The following GPT2 variants were observed in gnomAD, a reference collection of about 807,000 sequenced individuals.
GPT2 encodes the protein alanine aminotransferase 2.
A neutral mutation model predicts 56.9 loss-of-function variants in GPT2; 30 were observed. The observed-to-expected ratio is 0.53, with a 90% CI of 0.39 to 0.72. GPT2 has a LOEUF of 0.72. Ranked by LOEUF, GPT2 falls within the 30% of genes least tolerant of loss-of-function variation. The pLI is 0.00. For missense variants in GPT2, 542 were observed against 703.4 expected (o/e 0.77, Z 2.60); for synonymous variants, 271 against 283.1 (o/e 0.96, Z 0.43).
intron 10 of GPT2, among the ~76,000 whole-genome samples, chr16:46,926,124 C>CT (rs1168926409): frequency 2.3e-5 from 2 of 86,570 alleles, no homozygotes; most frequent in Non-Finnish European, 4.2e-5. Flanking sequence ...GAGTGAGACT[C>CT]TGTCTCAAAA....
chr16:46,899,205 A>G (rs1432446355), intron 3 of GPT2, among the ~76,000 whole-genome samples: 1 of 150,594 alleles, frequency 6.6e-6, no homozygotes, highest in Admixed American at 6.6e-5. Context: ...GCTAATTTTT[A>G]AAATTTTTGG....
chr16:46,922,668 G>A (rs1173921600), intron 9 of GPT2, among the ~76,000 whole-genome samples: 4 of 152,138 alleles, frequency 2.6e-5, no homozygotes, highest in South Asian at 4.1e-4. Context: ...TCCTCATGGC[G>A]AGTGTCGAAG....
intron 9 of GPT2, chr16:46,924,069 T>G: frequency 2.6e-6 from 1 of 389,970 alleles, no homozygotes; most frequent in South Asian, 2.1e-5. Flanking sequence ...GTGGAAGAAT[T>G]TGTGCCGGGA....
chr16:46,892,471 A>T (rs1430889630), intron 2 of GPT2, among the ~76,000 whole-genome samples: 3 of 152,118 alleles, frequency 2.0e-5, no homozygotes. Context: ...GCTGGATCCT[A>T]GGGTAGTTCT....
chr16:46,920,923 A>C (rs1433533258), intron 8 of GPT2, among the ~76,000 whole-genome samples: 1 of 152,072 alleles, frequency 6.6e-6, no homozygotes, highest in African/African-American at 2.4e-5. Flanking sequence ...TGATGTTGGG[A>C]TCCTGAGTCG....
At chr16:46,917,924 A>AGAGGAGGAC (rs1202411061) in intron 7 of GPT2, among the ~76,000 whole-genome samples, 2 of 152,178 alleles carry the variant, frequency 1.3e-5, no homozygotes, top group Non-Finnish European at 2.9e-5. Context: ...GGGTCTGGGA[A>AGAGGAGGAC]GAGGAGGACG....
Position 46,926,448 on chromosome 16 carries a change from C to CA in GPT2, c.1369-464dup, listed in dbSNP as rs760611241. Among the ~76,000 whole-genome samples the CA allele has an allele frequency of 1.6e-3, 210 of 128,746 alleles. 1 individual carries two copies. The highest frequency in any genetic ancestry group is 0.012 in the Middle Eastern group (3 of 256). The allele number at this position is 128,746 out of a possible 152,430, so 84.5% of individuals were successfully genotyped here. Reference sequence around the variant, plus strand: ...TGGGTGACAGAGGGAGACTCTGTTGCAAAAAAAAAAAAAGAATCCCTGATG... The same window carrying CA: ...TGGGTGACAGAGGGAGACTCTGTTGCAAAAAAAAAAAAAAGAATCCCTGATG... On this transcript the variant is annotated intron_variant, in intron 10 of 11. Transcript: ENST00000340124.
intron 2 of GPT2, among the ~76,000 whole-genome samples, chr16:46,889,878 C>T (rs1960554426): frequency 6.6e-6 from 1 of 152,198 alleles, no homozygotes. Context: ...CTTCCTGAGG[C>T]TCTGGGTCTG....
chr16:46,909,904 TA>T lies in GPT2; in HGVS notation c.799del (p.Ile267SerfsTer16). On this transcript the variant is annotated frameshift_variant, in exon 6 of 12. Coordinates refer to ENST00000340124, the MANE Select transcript of GPT2 (RefSeq NM_133443.4). LOFTEE classifies it high-confidence loss of function. Reference sequence around the variant, plus strand: ...CACTGTGATCCTAAGGTGCTCTGCATAATCAACCCTGGGAACCCCACAGGTC... The same window carrying T: ...CACTGTGATCCTAAGGTGCTCTGCATATCAACCCTGGGAACCCCACAGGTC... ...KDHCDPKVLCIINPGNPTGQV... is the reference protein window; with the variant it reads ...KDHCDPKVLCXINPGNPTGQV... The T allele has an allele frequency of 6.2e-7, 1 of 1,612,280 alleles. No homozygotes were observed.
At chr16:46,924,081 A>G in intron 9 of GPT2, 2 of 405,574 alleles carry the variant, frequency 4.9e-6, no homozygotes, top group South Asian at 4.1e-5. Flanking sequence ...GTGCCGGGAG[A>G]TGTGTTCCAC....
chr16:46,926,110 G>A (rs1235728288), intron 10 of GPT2, among the ~76,000 whole-genome samples: 1 of 136,664 alleles, frequency 7.3e-6, no homozygotes, highest in Non-Finnish European at 1.5e-5. Context: ...CATCCTGGGC[G>A]ACAGAGTGAG....
At chr16:46,923,632 C>A (rs1177591502) in intron 9 of GPT2, among the ~76,000 whole-genome samples, 1 of 152,238 alleles carries the variant, frequency 6.6e-6, no homozygotes, top group African/African-American at 2.4e-5. Context: ...GCAGCCCACA[C>A]CTTCCACGCC....
chr16:46,919,225 T>G (rs991673390), intron 8 of GPT2, among the ~76,000 whole-genome samples: 2 of 152,200 alleles, frequency 1.3e-5, no homozygotes, highest in Non-Finnish European at 2.9e-5. Context: ...GCACTTACGA[T>G]GAGTCCGGCA....
chr16:46,884,755 C>T lies in GPT2; in HGVS notation c.40C>T (p.Pro14Ser), dbSNP rs775383453. The T allele has an allele frequency of 2.1e-6, 3 of 1,445,546 alleles. No homozygotes were observed. Among genetic ancestry groups the T allele is most frequent in the South Asian group, 3.1e-5 (2 of 65,330 alleles). 89.5% of individuals were successfully genotyped at this position (1,445,546 alleles called of 1,614,324 possible). ...GGCGCTGGTCCGGCGGGGCTGTGGT[C>T]CCCGGACCCCCAGCTCCTGGGGCCG... is the stretch of plus-strand genomic sequence containing the variant. ...AAALVRRGCG[P>S]RTPSSWGRSQ... Residue 14 changes from proline (P) to serine (S), a missense_variant, in exon 2 of 12, where the codon CCC becomes TCC. By Grantham distance (74) the Pro-to-Ser change is moderately conservative. Transcript: ENST00000340124.
At chr16:46,898,903 C>CACACATATATATGTGT in intron 3 of GPT2, among the ~76,000 whole-genome samples, 1 of 131,278 alleles carries the variant, frequency 7.6e-6, no homozygotes, top group African/African-American at 2.9e-5. Context: ...TATATATACA[C>CACACATATATATGTGT]ATATATATAC....
At chr16:46,889,640 A>G (rs1327935150) in intron 2 of GPT2, among the ~76,000 whole-genome samples, 2 of 152,214 alleles carry the variant, frequency 1.3e-5, no homozygotes, top group African/African-American at 2.4e-5. Context: ...GTCACCACAC[A>G]TACGCTGGGC....
intron 5 of GPT2, among the ~76,000 whole-genome samples, chr16:46,907,642 G>A (rs908539306): frequency 7.2e-5 from 11 of 152,198 alleles, no homozygotes; most frequent in African/African-American, 1.2e-4. Context: ...AGCAAGGGTC[G>A]GAGTTACCAG....
chr16:46,904,211 G>A (rs1960876809), intron 4 of GPT2, among the ~76,000 whole-genome samples: 1 of 152,220 alleles, frequency 6.6e-6, no homozygotes, highest in South Asian at 2.1e-4. Flanking sequence ...GGAACCAAGA[G>A]TCAAGAGTCA....
chr16:46,919,535 G>A (rs1288047038), intron 8 of GPT2, among the ~76,000 whole-genome samples: 3 of 152,248 alleles, frequency 2.0e-5, no homozygotes, highest in Non-Finnish European at 2.9e-5. Context: ...CACACCTGCT[G>A]TGCTGGCAGA....
Sources: allele counts gnomAD v4.1 joint callset (sites outside exome capture counted in the v4.1 genomes callset), GRCh38; gene constraint gnomAD v4.1.1; transcripts MANE v1.5; gene names NCBI Gene and HGNC (gene_info 2026-07-23, HGNC 2026-07-21).